The following PXDNL variants were observed in gnomAD, a reference collection of about 807,000 sequenced individuals.
The protein encoded by PXDNL is probable oxidoreductase PXDNL.
A neutral mutation model predicts 150.8 loss-of-function variants in PXDNL; 145 were observed. That is an observed-to-expected ratio of 0.96 (90% confidence interval 0.84 to 1.10). The LOEUF (loss-of-function observed/expected upper bound fraction) is 1.10. Among genes scored for constraint, PXDNL ranks in the 50% least tolerant of loss-of-function variants. The probability of loss-of-function intolerance (pLI) is 0.00; values close to 1 mark genes in which losing one functional copy is unlikely to be tolerated. For missense variants in PXDNL, 2,087 were observed against 1,873.9 expected (o/e 1.11, Z -2.10); for synonymous variants, 757 against 725.7 (o/e 1.04, Z -0.69).
chr8:51,677,537 T>G (rs1163195574), intron 1 of PXDNL, among the ~76,000 whole-genome samples: 1 of 152,214 alleles, frequency 6.6e-6, no homozygotes, highest in Non-Finnish European at 1.5e-5. Context: ...AAACATCATT[T>G]TGTGCTATAT....
intron 3 of PXDNL, among the ~76,000 whole-genome samples, chr8:51,584,841 C>CT (rs985049206): frequency 2.4e-4 from 36 of 151,950 alleles, no homozygotes; most frequent in Admixed American, 7.9e-4. Context: ...CTAATCAAGT[C>CT]TTTTTTTTAG....
rs186583751 is a variant in PXDNL, at chr8:51,499,984, A to G, written c.381-214T>C. Among the ~76,000 whole-genome samples the G allele has an allele frequency of 4.0e-3, 609 of 152,340 alleles. 3 individuals are homozygous for G. The highest frequency in any genetic ancestry group is 0.013 in the South Asian group (64 of 4,826). On this transcript the variant is annotated intron_variant, in intron 4 of 22. Transcript: ENST00000356297. ...CCTGATGTTCCAAAGGGGAATCCAA[A>G]GCCCACCCAGAAAGGAGCATGATGC...
At chr8:51,513,303 A>T (rs1192082517) in intron 4 of PXDNL, among the ~76,000 whole-genome samples, 4 of 152,204 alleles carry the variant, frequency 2.6e-5, no homozygotes, top group Admixed American at 2.6e-4. Flanking sequence ...CAGTGAGGAA[A>T]GGGAAGTACA....
In PXDNL at chr8:51,374,691, G is replaced by C. The variant is rs1379450764; in HGVS notation, c.3598C>G (p.Leu1200Val). 3.1e-6 allele frequency: 5 copies of C among 1,613,812 alleles called. No individual in the cohort carries two copies. Among genetic ancestry groups the C allele is most frequent in the Non-Finnish European group, 4.2e-6 (5 of 1,179,890 alleles). The change falls in exon 18 of 23, where the codon CTT (leucine) becomes GTT (valine). Residue 1200 changes from leucine (L) to valine (V), a missense_variant. By Grantham distance (32) the Leu-to-Val change is conservative (BLOSUM62 1). Transcript: ENST00000356297. Reference sequence around the variant, plus strand: ...CCAGGAATCAGGTCTTCAACCATAAGGGCGGGCCAGAGGTCAATGTCACCT... The same window carrying C: ...CCAGGAATCAGGTCTTCAACCATAACGGCGGGCCAGAGGTCAATGTCACCT... ...SPGDIDLWPA[L>V]MVEDLIPGTR...
rs1389109045 is a variant in PXDNL, at chr8:51,470,224, T to C, written c.812+1963A>G. On this transcript the variant is annotated intron_variant, in intron 8 of 22. Transcript: ENST00000356297. The stretch of plus-strand genomic sequence containing the variant: ...AATTGAACACTTCTATCAATTGAAG[T>C]CTTTCTCGTGGGCTAGTTTCCAGAT... Among the ~76,000 whole-genome samples the C allele has an allele frequency of 3.9e-5, 6 of 152,242 alleles. No individual in the cohort carries two copies. In the East Asian group the frequency reaches 9.7e-4, roughly 24 times the overall value.
intron 17 of PXDNL, among the ~76,000 whole-genome samples, chr8:51,398,336 G>A (rs1348437594): frequency 6.6e-6 from 1 of 152,192 alleles, no homozygotes; most frequent in Non-Finnish European, 1.5e-5. Context: ...CCTGCGGTGG[G>A]GAGTGGGCAG....
rs1017814569 is a variant in PXDNL at position 51,600,344 on chromosome 8, G to A, written c.237-7646C>T. Among the ~76,000 whole-genome samples the A allele has an allele frequency of 1.9e-3, 231 of 124,382 alleles. 17 individuals carry two copies. The highest frequency in any genetic ancestry group is 5.8e-3 in the African/African-American group (174 of 29,840). The allele number at this position is 124,382 out of a possible 152,430, so 81.6% of individuals were successfully genotyped here. A position where few individuals can be genotyped will look rare whatever the true frequency, so the allele number is the denominator to read the frequency against. ...AATTATATCTTATATAAATTATATC[G>A]TTTAGATAATAAATTATATCTTGTA... On this transcript the variant is annotated intron_variant, in intron 2 of 22. Coordinates refer to ENST00000356297, the MANE Select transcript of PXDNL (RefSeq NM_144651.5).
At chr8:51,371,582 T>G (rs923022679) in intron 19 of PXDNL, among the ~76,000 whole-genome samples, 8 of 152,218 alleles carry the variant, frequency 5.3e-5, no homozygotes, top group Non-Finnish European at 1.2e-4. Context: ...TGATTGGCAT[T>G]TGATCTTTGG....
chr8:51,535,423 A>G (rs1257813613), intron 4 of PXDNL, among the ~76,000 whole-genome samples: 1 of 103,506 alleles, frequency 9.7e-6, no homozygotes, highest in African/African-American at 4.9e-5. Flanking sequence ...CTTATCCCCA[A>G]CCCTGTGCTC....
intron 4 of PXDNL, among the ~76,000 whole-genome samples, chr8:51,509,527 GGGTGTTAGCAGC>G (rs1811365079): frequency 6.6e-6 from 1 of 151,986 alleles, no homozygotes; most frequent in Non-Finnish European, 1.5e-5. Context: ...TCCTAACTTA[GGGTGTTAGCAGC>G]GGCTGCCTTT....
chr8:51,542,899 C>T (rs890502009), intron 4 of PXDNL, among the ~76,000 whole-genome samples: 9 of 151,758 alleles, frequency 5.9e-5, no homozygotes, highest in South Asian at 2.1e-4. Flanking sequence ...GTTAGTGATA[C>T]GTTATATCAC....
intron 8 of PXDNL, among the ~76,000 whole-genome samples, chr8:51,466,670 T>C (rs545990886): frequency 3.9e-5 from 6 of 152,246 alleles, no homozygotes; most frequent in Admixed American, 2.0e-4. Context: ...ATATCCTGAA[T>C]CTACAAGGAA....
At chr8:51,541,274 T>G (rs142409560) in intron 4 of PXDNL, among the ~76,000 whole-genome samples, 2,638 of 140,168 alleles carry the variant, frequency 0.019, 34 homozygotes, top group African/African-American at 0.038. Flanking sequence ...AAAAAAAGAA[T>G]ATTGGACTTT....
chr8:51,584,929 G>T (rs1233512586), intron 3 of PXDNL, among the ~76,000 whole-genome samples: 1 of 152,078 alleles, frequency 6.6e-6, no homozygotes, highest in Non-Finnish European at 1.5e-5. Context: ...TACCGGCAAG[G>T]GTAATGGATA....
At chr8:51,767,627 C>T (rs1386288421) in intron 1 of PXDNL, among the ~76,000 whole-genome samples, 2 of 152,046 alleles carry the variant, frequency 1.3e-5, no homozygotes, top group Non-Finnish European at 2.9e-5. Flanking sequence ...TTTTGCAGGG[C>T]CTCAAAGGTC....
intron 17 of PXDNL, among the ~76,000 whole-genome samples, chr8:51,388,637 A>C (rs914481739): frequency 6.6e-6 from 1 of 152,174 alleles, no homozygotes; most frequent in African/African-American, 2.4e-5. Context: ...TTCTATTGCT[A>C]ACCCTTCAAA....
chr8:51,521,951 T>C (rs536256258), intron 4 of PXDNL, among the ~76,000 whole-genome samples: 1 of 152,268 alleles, frequency 6.6e-6, no homozygotes, highest in African/African-American at 2.4e-5. Flanking sequence ...AGAAATAGAC[T>C]TTCTCAGACA....
chr8:51,355,991 C>T (rs1046376141), intron 19 of PXDNL, among the ~76,000 whole-genome samples: 11 of 152,148 alleles, frequency 7.2e-5, no homozygotes, highest in Admixed American at 5.2e-4. Flanking sequence ...GGAAAACTAA[C>T]GACGAGGTCA....
At chr8:51,635,638 A>G (rs560001879) in intron 2 of PXDNL, among the ~76,000 whole-genome samples, 1 of 152,072 alleles carries the variant, frequency 6.6e-6, no homozygotes, top group Non-Finnish European at 1.5e-5. Context: ...TAGACAAATT[A>G]CAAAAACTGT....
Sources: gnomAD v4.1 joint callset for allele counts (sites outside exome capture counted in the v4.1 genomes callset) on GRCh38, gnomAD v4.1.1 for gene constraint, MANE v1.5 for transcripts, NCBI Gene and HGNC (gene_info 2026-07-23, HGNC 2026-07-21) for gene names.